Variants in VWA7 observed in about 807,000 individuals in gnomAD.
VWA7 encodes von Willebrand factor A domain-containing protein 7.
VWA7 carries 66 observed loss-of-function variants against 83.1 expected under a neutral mutation model. That is an observed-to-expected ratio of 0.79 (90% CI 0.65 to 0.98). The LOEUF (loss-of-function observed/expected upper bound fraction) is 0.98. VWA7 is among the 50% of genes least tolerant of loss of function. The pLI, the probability that VWA7 is intolerant of heterozygous loss-of-function variation, is 0.00. For missense variants in VWA7, 1,080 were observed against 1,160.2 expected (o/e 0.93, Z 1.00); for synonymous variants, 424 against 488.5 (o/e 0.87, Z 1.74).
In VWA7 at chr6:31,766,336, TGAGCGGGACTTTGCTGCCC is replaced by T; in HGVS notation, c.2214_2232del (p.Gly739ValfsTer36). The T allele has an allele frequency of 6.2e-7, 1 of 1,609,674 alleles. No homozygotes were observed. The highest frequency in any genetic ancestry group is 1.7e-4 in the Middle Eastern group (1 of 6,052). On this transcript the variant is annotated frameshift_variant, in exon 15 of 17. Coordinates refer to ENST00000375688, the MANE Select transcript of VWA7 (RefSeq NM_025258.3). LOFTEE classifies it high-confidence loss of function. This position sits in a 1 kb window ranked among gnomAD's most constrained non-coding sequence, Gnocchi z 4.9. Reference sequence around the variant, plus strand: ...CCCGAGAAGCTGGCGATGCGGAGACTGAGCGGGACTTTGCTGCCCGGGGCCAAGAAACCCGAGGGGCCAC... The same window carrying T: ...CCCGAGAAGCTGGCGATGCGGAGACTGGGGCCAAGAAACCCGAGGGGCCAC...
At chr6:31,768,989 C>T in intron 10 of VWA7, 29 bp downstream of exon 10, 1 of 1,589,832 alleles carries the variant, frequency 6.3e-7, no homozygotes, top group Admixed American at 1.8e-5. Context: ...CCCTTCAGTT[C>T]CTAAGTGAGG....
chr6:31,772,988 AGGCTCCATGG>A lies in VWA7; in HGVS notation c.1043_1052del (p.Pro348LeufsTer82). On this transcript the variant is annotated frameshift_variant, in exon 7 of 17. Coordinates refer to ENST00000375688, the MANE Select transcript of VWA7 (RefSeq NM_025258.3). LOFTEE classifies it high-confidence loss of function. ...GAAAAGGCACCAGGACATAGTGGACAGGCTCCATGGGGCTGCCTCTCCGCTGCTCCACAAG... is the reference window on the plus strand; with the variant it reads ...GAAAAGGCACCAGGACATAGTGGACAGGCTGCCTCTCCGCTGCTCCACAAG... 2 of 1,612,592 alleles carry A rather than the reference AGGCTCCATGG, an allele frequency of 1.2e-6. No homozygotes were observed. Among genetic ancestry groups the A allele is most frequent in the Non-Finnish European group, 1.7e-6 (2 of 1,179,998 alleles).
chr6:31,776,736 G>A lies in VWA7; in HGVS notation c.44C>T (p.Ala15Val), dbSNP rs1812719533. 4.1e-6 allele frequency: 6 copies of A among 1,474,100 alleles called. No homozygotes were observed. Among genetic ancestry groups the A allele is most frequent in the South Asian group, 2.7e-5 (2 of 73,684 alleles). 91.3% of individuals were successfully genotyped at this position (1,474,100 alleles called of 1,614,324 possible). A position where few individuals can be genotyped will look rare whatever the true frequency, so the allele number is the denominator to read the frequency against. ...EVPQSHPGPS[A>V]LLLLQLLLPP... ...CAGCAACAGCTGCAGCAGAAGCAAC[G>A]CTGAGGGGCCCGGGTGGGATTGGGG... Residue 15 changes from alanine to valine, a missense_variant, in exon 2 of 17, where the codon GCG becomes GTG. Physicochemically the swap from Ala to Val is moderately conservative, Grantham distance 64. Transcript: ENST00000375688. The surrounding 1 kb of genome is among the most constrained non-coding windows in gnomAD (Gnocchi z 6.2).
chr6:31,767,666 C>T lies in VWA7; in HGVS notation c.1592G>A (p.Arg531Gln), dbSNP rs1319892433. 1.8e-5 allele frequency: 29 copies of T among 1,613,508 alleles called. No homozygotes were observed. Among genetic ancestry groups the T allele is most frequent in the Non-Finnish European group, 2.1e-5 (25 of 1,179,614 alleles). Residue 531 changes from arginine (R) to glutamine (Q), a missense_variant, in exon 11 of 17, where the codon CGG (arginine) becomes CAG (glutamine). Physicochemically the swap from Arg to Gln is conservative, Grantham distance 43. Transcript: ENST00000375688. ...GAAGCTGCTGATGTCTCCGTGGATCCGGACTGTGATCTTCTGGAGCAGCCC... is the reference window on the plus strand; with the variant it reads ...GAAGCTGCTGATGTCTCCGTGGATCTGGACTGTGATCTTCTGGAGCAGCCC... ...VDGLLQKITV[R>Q]IHGDISSFWI...
At position 31,771,990 on chromosome 6, in the gene VWA7, C is replaced by CAAA. The variant is rs34193146; in HGVS notation, c.1087+961_1087+963dup. On this transcript the variant is annotated intron_variant, in intron 7 of 16. Transcript: ENST00000375688. ...TGGGCGACAGAGCGAGACTCCGTCTCAAAAAAAAAAAAAAAAAAAAAAAAA... is the reference window on the plus strand; with the variant it reads ...TGGGCGACAGAGCGAGACTCCGTCTCAAAAAAAAAAAAAAAAAAAAAAAAAAAA... 1.0e-3 allele frequency among the ~76,000 whole-genome samples: 43 copies of CAAA among 41,926 alleles called. 2 individuals carry two copies. Among genetic ancestry groups the CAAA allele is most frequent in the Non-Finnish European group, 1.5e-3 (29 of 18,892 alleles). The allele number at this position is 41,926 out of a possible 152,430, so 27.5% of individuals were successfully genotyped here.
chr6:31,772,910 T>C, intron 7 of VWA7, 44 bp downstream of exon 7: 1 of 1,582,420 alleles, frequency 6.3e-7, no homozygotes, highest in Non-Finnish European at 8.6e-7. Flanking sequence ...ATCCCTTACC[T>C]TGAATTTTCC....
At position 31,769,536 on chromosome 6, in the gene VWA7, C is replaced by T. The variant is rs1811963938; in HGVS notation, c.1317+139G>A. 1.3e-6 allele frequency: 1 copy of T among 781,488 alleles called. No homozygotes were observed. Among genetic ancestry groups the T allele is most frequent in the Admixed American group, 2.0e-5 (1 of 48,898 alleles). The allele number at this position is 781,488 out of a possible 1,614,324, so 48.4% of individuals were successfully genotyped here. ...TAAAGGTATCAGGAAATGTTCCACT[C>T]ATTGTCTGCTTCTCCCACCATATAC... On this transcript the variant is annotated intron_variant, in intron 9 of 16. Transcript: ENST00000375688. The surrounding 1 kb of genome is among the most constrained non-coding windows in gnomAD (Gnocchi z 4.5).
chr6:31,770,246 T>C, intron 7 of VWA7, 133 bp from the exon 8 acceptor site: 1 of 699,208 alleles, frequency 1.4e-6, no homozygotes, highest in South Asian at 1.9e-5. Flanking sequence ...TACTCCATTA[T>C]AAGACTCATA....
Position 31,775,493 on chromosome 6 carries a change from A to G in VWA7, c.514-64T>C. On this transcript the variant is annotated intron_variant, in intron 3 of 16. Coordinates refer to ENST00000375688, the MANE Select transcript of VWA7 (RefSeq NM_025258.3). The surrounding 1 kb of genome is among the most constrained non-coding windows in gnomAD (Gnocchi z 5.9). ...TCTGGCCTTTCTCACCATCTCCAGC[A>G]CTAATATGCCACTCCTTTGAGTTCC... is the stretch of plus-strand genomic sequence containing the variant. 1 of 1,437,022 alleles carries G rather than the reference A, an allele frequency of 7.0e-7. No individual in the cohort carries two copies. The highest frequency in any genetic ancestry group is 9.6e-7 in the Non-Finnish European group (1 of 1,042,152). 89.0% of individuals were successfully genotyped at this position (1,437,022 alleles called of 1,614,324 possible). A position where few individuals can be genotyped will look rare whatever the true frequency, so the allele number is the denominator to read the frequency against.
rs1463433163 is a variant in VWA7, at chr6:31,766,401, T to C, written c.2185-17A>G. The C allele has an allele frequency of 6.3e-7, 1 of 1,587,740 alleles. No individual in the cohort carries two copies. The highest frequency in any genetic ancestry group is 8.6e-7 in the Non-Finnish European group (1 of 1,167,592). ...GCCACTAAGCTGCAGAGAAGGGTTCTTCAGGGAAGGGGCCGCTCTAACTCT... is the reference window on the plus strand; with the variant it reads ...GCCACTAAGCTGCAGAGAAGGGTTCCTCAGGGAAGGGGCCGCTCTAACTCT... On this transcript the variant is annotated splice_polypyrimidine_tract_variant and intron_variant, in intron 14 of 16. Coordinates refer to ENST00000375688, the MANE Select transcript of VWA7 (RefSeq NM_025258.3). This position sits in a 1 kb window ranked among gnomAD's most constrained non-coding sequence, Gnocchi z 4.9.
rs1008110641 is a variant in VWA7, at chr6:31,769,854, G to C, written c.1201-63C>G. On this transcript the variant is annotated intron_variant, in intron 8 of 16. Transcript: ENST00000375688. The surrounding 1 kb of genome is among the most constrained non-coding windows in gnomAD (Gnocchi z 4.5). ...GTAGGAGGGGAATGGGTAGAGCCAC[G>C]GAGGATGAAGCAGAAGGGAATATGG... 2.6e-6 allele frequency: 4 copies of C among 1,530,650 alleles called. No homozygotes were observed. Among genetic ancestry groups the C allele is most frequent in the East Asian group, 2.3e-5 (1 of 44,414 alleles). 94.8% of individuals were successfully genotyped at this position (1,530,650 alleles called of 1,614,324 possible).
chr6:31,767,839 A>G (rs1490768498), intron 10 of VWA7, 85 bp from the exon 11 acceptor site: 2 of 1,491,734 alleles, frequency 1.3e-6, no homozygotes, highest in African/African-American at 2.8e-5. Flanking sequence ...ATAGAAAGAA[A>G]CCACGTCATT....
Position 31,765,786 on chromosome 6 carries a change from A to G in VWA7, c.2500-16T>C. On this transcript the variant is annotated splice_polypyrimidine_tract_variant and intron_variant, in intron 16 of 16. Transcript: ENST00000375688. ...TGTGCCGGTCCTGTGGGGAAAAGGA[A>G]GAGAATGACAGGGTGTGCTAGAGCT... 1.3e-6 allele frequency: 2 copies of G among 1,584,152 alleles called. No homozygotes were observed. Among genetic ancestry groups the G allele is most frequent in the South Asian group, 1.2e-5 (1 of 86,702 alleles).
Position 31,775,765 on chromosome 6 carries a change from C to T in VWA7, c.513+199G>A, listed in dbSNP as rs1453426648. Among the ~76,000 whole-genome samples, 1 of 152,244 alleles carries T rather than the reference C, an allele frequency of 6.6e-6. No homozygotes were observed. Among genetic ancestry groups the T allele is most frequent in the Non-Finnish European group, 1.5e-5 (1 of 68,048 alleles). The stretch of plus-strand genomic sequence containing the variant: ...CCCTCACTTCTCTCCAGCCACAGCG[C>T]CCTCCTTGCTGTTCCTACAGGAAGC... On this transcript the variant is annotated intron_variant, in intron 3 of 16. Coordinates refer to ENST00000375688, the MANE Select transcript of VWA7 (RefSeq NM_025258.3). The surrounding 1 kb of genome is among the most constrained non-coding windows in gnomAD (Gnocchi z 5.9).
Position 31,766,145 on chromosome 6 carries a change from A to ATC in VWA7, c.2325-89_2325-88insGA. ...CTGCAGGGGCACGGGAGCGGAGAGG[A>ATC]GGATTCTGAGGGCCAGTCGGAGGGG... On this transcript the variant is annotated intron_variant, in intron 15 of 16. Transcript: ENST00000375688. The surrounding 1 kb of genome is among the most constrained non-coding windows in gnomAD (Gnocchi z 4.9). The ATC allele has an allele frequency of 6.3e-7, 1 of 1,593,372 alleles. No individual in the cohort carries two copies. The highest frequency in any genetic ancestry group is 8.6e-7 in the Non-Finnish European group (1 of 1,168,682).
Position 31,766,594 on chromosome 6 carries a change from C to G in VWA7, c.2053G>C (p.Ala685Pro), listed in dbSNP as rs1474251801. The G allele has an allele frequency of 6.2e-7, 1 of 1,612,918 alleles. No homozygotes were observed. Among genetic ancestry groups the G allele is most frequent in the Non-Finnish European group, 8.5e-7 (1 of 1,180,032 alleles). The change falls in exon 14 of 17, where the codon GCC (alanine) becomes CCC (proline). Residue 685 changes from alanine (A) to proline (P), a missense_variant. Coordinates refer to ENST00000375688, the MANE Select transcript of VWA7 (RefSeq NM_025258.3). This position sits in a 1 kb window ranked among gnomAD's most constrained non-coding sequence, Gnocchi z 4.9. ...VGPPERGLLAASLSPTLLSTP... is the reference protein window; with the variant it reads ...VGPPERGLLAPSLSPTLLSTP... ...GACAGCAGCGTGGGCGACAGCGAGG[C>G]TGCGAGGAGACCTCGCTCCGGAGGT...
chr6:31,772,916 T>A (rs760427003), intron 7 of VWA7, 38 bp downstream of exon 7: 2 of 1,585,970 alleles, frequency 1.3e-6, no homozygotes, highest in Admixed American at 3.4e-5. Context: ...TACCTTGAAT[T>A]TTCCTCCCCT....
At position 31,776,092 on chromosome 6, in the gene VWA7, C is replaced by G. The variant is rs373092700; in HGVS notation, c.385G>C (p.Asp129His). The stretch of plus-strand genomic sequence containing the variant: ...CGTCCCTGACCCAGTCGCTCAGCAT[C>G]AAAGTGCAGGTCGGGGTCATTCCTG... ...TSRNDPDLHFDAERLGQGRAR... is the reference protein window; with the variant it reads ...TSRNDPDLHFHAERLGQGRAR... The change falls in exon 3 of 17, where the codon GAT becomes CAT. Residue 129 changes from aspartate to histidine, a missense_variant. Physicochemically the swap from Asp to His is moderately conservative, Grantham distance 81 (BLOSUM62 -1). Transcript: ENST00000375688. The surrounding 1 kb of genome is among the most constrained non-coding windows in gnomAD (Gnocchi z 6.2). The G allele has an allele frequency of 1.5e-5, 25 of 1,613,934 alleles. No individual in the cohort carries two copies. The highest frequency in any genetic ancestry group is 6.7e-5 in the African/African-American group (5 of 74,928).
At position 31,773,713 on chromosome 6, in the gene VWA7, G is replaced by C. The variant is rs9469051; in HGVS notation, c.722-276C>G. ...ACTATAAAAATTAGCCAGGTGTGGT[G>C]GCGCGTGCTTGTAATCCCAGCTACT... On this transcript the variant is annotated intron_variant, in intron 5 of 16. Coordinates refer to ENST00000375688, the MANE Select transcript of VWA7 (RefSeq NM_025258.3). This position sits in a 1 kb window ranked among gnomAD's most constrained non-coding sequence, Gnocchi z 5.3. 0.22 allele frequency among the ~76,000 whole-genome samples: 33,159 copies of C among 152,026 alleles called. 4,032 individuals carry two copies. The highest frequency in any genetic ancestry group is 0.29 in the African/African-American group (12,115 of 41,438).
Sources: allele counts gnomAD v4.1 joint callset (sites outside exome capture counted in the v4.1 genomes callset), GRCh38; gene constraint gnomAD v4.1.1; non-coding constraint Gnocchi (gnomAD v3.1); transcripts MANE v1.5; gene names NCBI Gene and HGNC (gene_info 2026-07-23, HGNC 2026-07-21).